Variants in SEMA5B observed in about 807,000 individuals in gnomAD.
The protein encoded by SEMA5B is semaphorin-5B.
SEMA5B carries 66 observed loss-of-function variants against 135.0 expected under a neutral mutation model. The observed-to-expected ratio is 0.49, with a 90% CI of 0.40 to 0.60. The LOEUF is 0.60. Among genes scored for constraint, SEMA5B ranks in the 20% least tolerant of loss-of-function variants. SEMA5B has a pLI of 0.00. For missense variants in SEMA5B, 1,501 were observed against 1,566.3 expected (o/e 0.96, Z 0.70); for synonymous variants, 690 against 639.5 (o/e 1.08, Z -1.19).
At chr3:122,976,271 C>G in intron 1 of SEMA5B, 1 of 1,021,812 alleles carries the variant, frequency 9.8e-7, no homozygotes, top group Non-Finnish European at 1.4e-6. Context: ...TCACCCCAGA[C>G]CTACTAGATC....
chr3:122,972,886 T>C (rs1309432212), intron 1 of SEMA5B, among the ~76,000 whole-genome samples: 2 of 152,110 alleles, frequency 1.3e-5, no homozygotes, highest in Non-Finnish European at 2.9e-5. Flanking sequence ...TTAGCCCAGG[T>C]CTGCCTTCCC....
At chr3:122,935,682 C>CTTTTTTTT (rs1402707939) in intron 5 of SEMA5B, among the ~76,000 whole-genome samples, 3 of 70,736 alleles carry the variant, frequency 4.2e-5, no homozygotes, top group African/African-American at 1.7e-4. Flanking sequence ...CTTTTTCTTT[C>CTTTTTTTT]TTTCTTTTTT....
intron 1 of SEMA5B, among the ~76,000 whole-genome samples, chr3:122,971,072 A>G (rs1442710422): frequency 6.6e-6 from 1 of 152,244 alleles, no homozygotes; most frequent in African/African-American, 2.4e-5. Flanking sequence ...CCAGTGGCCT[A>G]TAATTCCCAG....
rs146450937 is a variant in SEMA5B at position 123,000,353 on chromosome 3, G to A, written c.-39+27111C>T. Among the ~76,000 whole-genome samples, 273 of 152,278 alleles carry A rather than the reference G, an allele frequency of 1.8e-3. 1 individual carries two copies. The highest frequency in any genetic ancestry group is 6.3e-3 in the African/African-American group (261 of 41,550). On this transcript the variant is annotated intron_variant, in intron 1 of 22. Transcript: ENST00000357599. ...GGTGCAGGTGCAAACCCTGGGCAAAGGTTCTCAGTCATGGTGGCCACAGCC... is the reference window on the plus strand; with the variant it reads ...GGTGCAGGTGCAAACCCTGGGCAAAAGTTCTCAGTCATGGTGGCCACAGCC...
chr3:122,983,666 C>A (rs1168659231), intron 1 of SEMA5B, among the ~76,000 whole-genome samples: 2 of 122,134 alleles, frequency 1.6e-5, no homozygotes, highest in Admixed American at 2.3e-4. Flanking sequence ...TGCAGTGAAC[C>A]AAGATCACGC....
intron 15 of SEMA5B, 82 bp from the exon 16 acceptor site, chr3:122,913,763 A>G: frequency 6.3e-7 from 1 of 1,577,010 alleles, no homozygotes; most frequent in Non-Finnish European, 8.6e-7. Context: ...AAGACCGGAA[A>G]GGACGAGAGT....
chr3:122,985,247 C>T (rs112590681), intron 1 of SEMA5B, among the ~76,000 whole-genome samples: 101 of 152,290 alleles, frequency 6.6e-4, no homozygotes, highest in African/African-American at 2.3e-3. Flanking sequence ...AATCCCAGCA[C>T]TTTGAGAGGC....
At chr3:122,965,258 C>G (rs1940768519) in intron 1 of SEMA5B, among the ~76,000 whole-genome samples, 1 of 152,178 alleles carries the variant, frequency 6.6e-6, no homozygotes, top group Non-Finnish European at 1.5e-5. Context: ...AATTCATTCC[C>G]CCATTGTCTT....
At chr3:122,924,515 C>T (rs1938526675) in intron 9 of SEMA5B, among the ~76,000 whole-genome samples, 1 of 152,134 alleles carries the variant, frequency 6.6e-6, no homozygotes. Context: ...GTGAGCGTTT[C>T]AAAATGCACC....
In SEMA5B at chr3:122,921,863, T is replaced by C; in HGVS notation, c.1688+52A>G. On this transcript the variant is annotated intron_variant, in intron 12 of 22. Transcript: ENST00000357599. ...CTCCCGGGTCCAAAGCCCCGCCTCTTAAGCGCCTCCTCCGCAGTGGAGGCC... is the reference window on the plus strand; with the variant it reads ...CTCCCGGGTCCAAAGCCCCGCCTCTCAAGCGCCTCCTCCGCAGTGGAGGCC... The C allele has an allele frequency of 9.6e-6, 14 of 1,462,028 alleles. 1 individual carries two copies. The South Asian group carries it at 1.8e-4, about 19-fold the overall frequency. The allele number at this position is 1,462,028 out of a possible 1,614,324, so 90.6% of individuals were successfully genotyped here.
chr3:123,009,198 C>T (rs970044649), intron 1 of SEMA5B, among the ~76,000 whole-genome samples: 2 of 152,158 alleles, frequency 1.3e-5, no homozygotes, highest in Non-Finnish European at 2.9e-5. Context: ...TGCACCCACA[C>T]TCCACTCTCC....
chr3:122,958,905 T>C (rs1331415495), intron 2 of SEMA5B, among the ~76,000 whole-genome samples: 1 of 152,160 alleles, frequency 6.6e-6, no homozygotes, highest in Non-Finnish European at 1.5e-5. Flanking sequence ...GTCACGCATG[T>C]GTGTCATGAG....
chr3:123,020,540 A>G (rs1192682488), intron 1 of SEMA5B, among the ~76,000 whole-genome samples: 1 of 152,256 alleles, frequency 6.6e-6, no homozygotes, highest in African/African-American at 2.4e-5. Flanking sequence ...CAGGAGCTAT[A>G]GCTGGTGCCC....
chr3:122,913,113 G>T, intron 17 of SEMA5B, 52 bp from the exon 18 acceptor site: 1 of 1,421,422 alleles, frequency 7.0e-7, no homozygotes, highest in Non-Finnish European at 9.1e-7. Context: ...CCCGACCCCG[G>T]CCTGGGCCTC....
chr3:122,957,779 C>T (rs1576366258), intron 2 of SEMA5B, among the ~76,000 whole-genome samples: 1 of 152,176 alleles, frequency 6.6e-6, no homozygotes, highest in Admixed American at 6.5e-5. Context: ...GATTTGAATC[C>T]GCGACTGTCT....
At chr3:122,952,663 C>T (rs1322531058) in intron 2 of SEMA5B, among the ~76,000 whole-genome samples, 1 of 152,188 alleles carries the variant, frequency 6.6e-6, no homozygotes, top group African/African-American at 2.4e-5. Context: ...TCCTTTTGCC[C>T]TCTGACACTT....
chr3:122,966,555 T>C (rs1940833940), intron 1 of SEMA5B, among the ~76,000 whole-genome samples: 4 of 142,282 alleles, frequency 2.8e-5, no homozygotes, highest in Admixed American at 2.0e-4. Flanking sequence ...ATTATTATTA[T>C]TATTATTATT....
At chr3:123,010,915 A>C (rs1942425794) in intron 1 of SEMA5B, among the ~76,000 whole-genome samples, 1 of 152,194 alleles carries the variant, frequency 6.6e-6, no homozygotes, top group East Asian at 1.9e-4. Context: ...CTCTACAGCA[A>C]ATAGCGGGTG....
At chr3:122,978,500 C>T (rs777635523) in intron 1 of SEMA5B, among the ~76,000 whole-genome samples, 1 of 152,062 alleles carries the variant, frequency 6.6e-6, no homozygotes, top group Admixed American at 6.6e-5. Context: ...TAATAGACTC[C>T]CATAGACTGG....
Sources: allele counts gnomAD v4.1 joint callset (sites outside exome capture counted in the v4.1 genomes callset), GRCh38; gene constraint gnomAD v4.1.1; transcripts MANE v1.5; gene names NCBI Gene and HGNC (gene_info 2026-07-23, HGNC 2026-07-21).